The following MACROD2 variants were observed in gnomAD, a reference collection of about 807,000 sequenced individuals.
MACROD2 encodes ADP-ribose glycohydrolase MACROD2.
A neutral mutation model predicts 70.4 loss-of-function variants in MACROD2; 36 were observed. The ratio of observed to expected loss-of-function variants is 0.51; its 90% CI spans 0.39 to 0.68. The LOEUF (loss-of-function observed/expected upper bound fraction) is 0.68, where lower values mean the gene tolerates loss of function less well. Among genes scored for constraint, MACROD2 ranks in the 30% least tolerant of loss-of-function variants. The probability of loss-of-function intolerance (pLI) is 0.00; values close to 1 mark genes in which losing one functional copy is unlikely to be tolerated. For synonymous variants in MACROD2, 172 were observed against 178.8 expected, an observed-to-expected ratio of 0.96 and a Z score of 0.30; for missense variants, 496 against 538.4, an observed-to-expected ratio of 0.92 and a Z score of 0.78.
chr20:15,197,662 T>A (rs903722003), intron 5 of MACROD2, among the ~76,000 whole-genome samples: 1 of 152,192 alleles, frequency 6.6e-6, no homozygotes, highest in Non-Finnish European at 1.5e-5. Flanking sequence ...ATTTACTTTT[T>A]CTGTGATTAT....
At chr20:14,144,362 AT>A (rs949172805) in intron 3 of MACROD2, among the ~76,000 whole-genome samples, 3 of 152,150 alleles carry the variant, frequency 2.0e-5, no homozygotes, top group African/African-American at 7.2e-5. Flanking sequence ...GTACTGGAAT[AT>A]TTTTAGGGCT....
chr20:14,930,873 A>AC (rs1440187805), intron 5 of MACROD2, among the ~76,000 whole-genome samples: 2 of 150,702 alleles, frequency 1.3e-5, no homozygotes, highest in East Asian at 1.9e-4. Flanking sequence ...TAAAAAAAAA[A>AC]AAAAACAAAA....
intron 8 of MACROD2, among the ~76,000 whole-genome samples, chr20:15,504,283 C>A (rs989025066): frequency 2.0e-4 from 30 of 152,156 alleles, no homozygotes; most frequent in African/African-American, 6.7e-4. Context: ...GACTCAGAAA[C>A]CCGAGGGGAG....
At chr20:14,804,968 A>G (rs2072621808) in intron 5 of MACROD2, among the ~76,000 whole-genome samples, 1 of 151,808 alleles carries the variant, frequency 6.6e-6, no homozygotes, top group African/African-American at 2.4e-5. Flanking sequence ...TGCCTCAACA[A>G]TGAGTTTCTA....
At chr20:14,211,290 A>G (rs1403051406) in intron 3 of MACROD2, among the ~76,000 whole-genome samples, 1 of 152,208 alleles carries the variant, frequency 6.6e-6, no homozygotes. Flanking sequence ...AGCCTTTGTC[A>G]TCTTTAAAAT....
intron 3 of MACROD2, among the ~76,000 whole-genome samples, chr20:14,119,404 AGG>A (rs2054555381): frequency 6.6e-6 from 1 of 151,860 alleles, no homozygotes; most frequent in African/African-American, 2.4e-5. Context: ...CCTGACCTTC[AGG>A]TGATCCACCT....
At chr20:15,576,698 T>C (rs1330464692) in intron 8 of MACROD2, among the ~76,000 whole-genome samples, 1 of 152,096 alleles carries the variant, frequency 6.6e-6, no homozygotes, top group Non-Finnish European at 1.5e-5. Flanking sequence ...AGAGCTGAAT[T>C]AGGAGCAGCT....
At chr20:15,996,150 C>A (rs1481582908) in intron 15 of MACROD2, among the ~76,000 whole-genome samples, 1 of 152,022 alleles carries the variant, frequency 6.6e-6, no homozygotes, top group African/African-American at 2.4e-5. Flanking sequence ...TTTTTCCACA[C>A]CCTCACCAAC....
intron 8 of MACROD2, among the ~76,000 whole-genome samples, chr20:15,770,145 T>G (rs11699445): frequency 0.43 from 62,526 of 145,864 alleles, 13,765 homozygotes; most frequent in African/African-American, 0.5. Context: ...CCCAGGTTGC[T>G]GTGCAGTGGC....
At chr20:15,530,462 G>A (rs2047780808) in intron 8 of MACROD2, among the ~76,000 whole-genome samples, 1 of 152,032 alleles carries the variant, frequency 6.6e-6, no homozygotes, top group Non-Finnish European at 1.5e-5. Flanking sequence ...GCCAGGCATG[G>A]TGGCTCACGC....
chr20:15,637,786 T>A (rs1040681456), intron 8 of MACROD2, among the ~76,000 whole-genome samples: 1 of 152,196 alleles, frequency 6.6e-6, no homozygotes. Flanking sequence ...GATTGTCACA[T>A]ACAGATGAGT....
At chr20:14,408,222 TG>T (rs1300585299) in intron 3 of MACROD2, among the ~76,000 whole-genome samples, 5 of 152,212 alleles carry the variant, frequency 3.3e-5, no homozygotes, top group African/African-American at 1.2e-4. Flanking sequence ...TATGCTGTTT[TG>T]TTTTTTTGTA....
At chr20:14,501,580 G>A (rs1187498265) in intron 4 of MACROD2, among the ~76,000 whole-genome samples, 1 of 151,488 alleles carries the variant, frequency 6.6e-6, no homozygotes, top group Non-Finnish European at 1.5e-5. Flanking sequence ...TTTAGAGTTT[G>A]CGTTTTTAAA....
intron 8 of MACROD2, among the ~76,000 whole-genome samples, chr20:15,800,424 A>G (rs1034738940): frequency 6.6e-6 from 1 of 152,176 alleles, no homozygotes; most frequent in African/African-American, 2.4e-5. Flanking sequence ...TTCAGGTTTT[A>G]TATCTATATC....
chr20:15,314,929 C>T (rs968783898), intron 6 of MACROD2, among the ~76,000 whole-genome samples: 1 of 152,206 alleles, frequency 6.6e-6, no homozygotes, highest in Non-Finnish European at 1.5e-5. Flanking sequence ...TCAACTCATG[C>T]TGATTGCTAG....
At chr20:14,135,217 T>A (rs1293674137) in intron 3 of MACROD2, among the ~76,000 whole-genome samples, 1 of 152,154 alleles carries the variant, frequency 6.6e-6, no homozygotes, top group Non-Finnish European at 1.5e-5. Flanking sequence ...GAAATCTCCA[T>A]ACCAATATCT....
intron 3 of MACROD2, among the ~76,000 whole-genome samples, chr20:14,384,917 T>A (rs2083455282): frequency 6.6e-6 from 1 of 152,100 alleles, no homozygotes. Context: ...AAGAAACCTG[T>A]TTTCACAGTA....
intron 3 of MACROD2, among the ~76,000 whole-genome samples, chr20:14,337,063 T>G (rs1173444443): frequency 6.6e-6 from 1 of 152,232 alleles, no homozygotes; most frequent in Non-Finnish European, 1.5e-5. Context: ...CAAGTTGCTT[T>G]CCTATCTGTG....
At chr20:14,269,851 A>G (rs1325436385) in intron 3 of MACROD2, among the ~76,000 whole-genome samples, 1 of 151,156 alleles carries the variant, frequency 6.6e-6, no homozygotes, top group Non-Finnish European at 1.5e-5. Flanking sequence ...TTGGATTTGT[A>G]TCTCCCTTTA....
Sources: allele counts gnomAD v4.1 joint callset (sites outside exome capture counted in the v4.1 genomes callset), GRCh38; gene constraint gnomAD v4.1.1; transcripts MANE v1.5; gene names NCBI Gene and HGNC (gene_info 2026-07-23, HGNC 2026-07-21).